Variants in ELF2 observed in about 807,000 individuals in gnomAD.
ELF2 encodes E74 like ETS transcription factor 2, also known as ETS-related transcription factor Elf-2.
A neutral mutation model predicts 54.8 loss-of-function variants in ELF2; 11 were observed. The ratio of observed to expected loss-of-function variants is 0.20; its 90% CI spans 0.13 to 0.33. The LOEUF is 0.33. Among genes scored for constraint, ELF2 ranks in the 10% least tolerant of loss-of-function variants. The pLI is 1.00. For synonymous variants in ELF2, 203 were observed against 245.1 expected (o/e 0.83, Z 1.61); for missense variants, 513 against 703.0 (o/e 0.73, Z 3.06).
At chr4:139,132,418 C>T (rs1180389545) in intron 3 of ELF2, among the ~76,000 whole-genome samples, 1 of 152,130 alleles carries the variant, frequency 6.6e-6, no homozygotes, top group African/African-American at 2.4e-5. Flanking sequence ...TCATACCTAA[C>T]TTTACCCGTC....
rs1331998245 is a variant in ELF2, at chr4:139,125,114, C to G, written c.238+50G>C. The G allele has an allele frequency of 1.9e-6, 3 of 1,569,938 alleles. No individual in the cohort carries two copies. In the African/African-American group the frequency reaches 4.1e-5, roughly 22 times the overall value. On this transcript the variant is annotated intron_variant, in intron 4 of 9. Transcript: ENST00000686138. Reference sequence around the variant, plus strand: ...TCATCTGGCAATAGTATTGTTGAAGCTTACAAAATGAGAAAGTTATAAATA... The same window carrying G: ...TCATCTGGCAATAGTATTGTTGAAGGTTACAAAATGAGAAAGTTATAAATA...
At chr4:139,061,225 A>G (rs1727806064) in intron 8 of ELF2, among the ~76,000 whole-genome samples, 1 of 147,308 alleles carries the variant, frequency 6.8e-6, no homozygotes, top group African/African-American at 2.5e-5. Flanking sequence ...CCCAGGCTGC[A>G]GTGCAATGGC....
chr4:139,161,194 A>G (rs1741106007), intron 1 of ELF2, among the ~76,000 whole-genome samples: 3 of 152,242 alleles, frequency 2.0e-5, no homozygotes, highest in Non-Finnish European at 2.9e-5. Context: ...TAAAATATAT[A>G]GGAATCAACC....
chr4:139,173,390 T>G (rs1039197099), intron 1 of ELF2, among the ~76,000 whole-genome samples: 5 of 152,044 alleles, frequency 3.3e-5, no homozygotes, highest in African/African-American at 1.2e-4. Context: ...AATAGAAACT[T>G]AAATGTCCAT....
chr4:139,132,634 C>T (rs1737611537), intron 3 of ELF2, among the ~76,000 whole-genome samples: 1 of 151,966 alleles, frequency 6.6e-6, no homozygotes, highest in African/African-American at 2.4e-5. Context: ...CCCTTCATTG[C>T]TGAAAATTCT....
intron 3 of ELF2, among the ~76,000 whole-genome samples, chr4:139,125,971 T>C (rs1392354681): frequency 6.6e-6 from 1 of 152,242 alleles, no homozygotes; most frequent in Admixed American, 6.5e-5. Context: ...AATAGCATCT[T>C]TGAGGCATAA....
chr4:139,158,594 A>T (rs148367372), intron 1 of ELF2, among the ~76,000 whole-genome samples: 115 of 152,236 alleles, frequency 7.6e-4, no homozygotes, highest in African/African-American at 2.6e-3. Flanking sequence ...TGTTAAAGGG[A>T]ACATTTGTCA....
chr4:139,173,092 A>G (rs1742489410), intron 1 of ELF2, among the ~76,000 whole-genome samples: 1 of 152,020 alleles, frequency 6.6e-6, no homozygotes, highest in Non-Finnish European at 1.5e-5. Context: ...TTAAGACAAA[A>G]CCAATCAGTG....
At chr4:139,068,050 A>T (rs1190791739) in intron 6 of ELF2, among the ~76,000 whole-genome samples, 1 of 151,402 alleles carries the variant, frequency 6.6e-6, no homozygotes, top group Non-Finnish European at 1.5e-5. Context: ...TTTTTGAGAC[A>T]GAGTCTTGCT....
At chr4:139,069,593 C>T (rs1459723660) in intron 6 of ELF2, among the ~76,000 whole-genome samples, 1 of 152,098 alleles carries the variant, frequency 6.6e-6, no homozygotes, top group Non-Finnish European at 1.5e-5. Flanking sequence ...AAATTTCCTC[C>T]ATAGGAAAAT....
intron 1 of ELF2, among the ~76,000 whole-genome samples, chr4:139,162,432 G>A (rs998393227): frequency 1.3e-5 from 2 of 151,744 alleles, no homozygotes; most frequent in African/African-American, 4.8e-5. Flanking sequence ...TCCGGAGGTT[G>A]AGGAAGGAGA....
intron 7 of ELF2, 121 bp from the exon 8 acceptor site, chr4:139,062,178 T>TC (rs1243595647): frequency 9.1e-7 from 1 of 1,095,566 alleles, no homozygotes; most frequent in Non-Finnish European, 1.3e-6. Flanking sequence ...TTTCTACTTT[T>TC]TTTTTTTTTG....
chr4:139,098,717 C>T (rs1733555920), intron 4 of ELF2, among the ~76,000 whole-genome samples: 1 of 152,174 alleles, frequency 6.6e-6, no homozygotes, highest in South Asian at 2.1e-4. Context: ...ATCCACCCGC[C>T]TCGGCCTCCC....
chr4:139,068,942 G>A (rs1380308401), intron 6 of ELF2, among the ~76,000 whole-genome samples: 3 of 151,478 alleles, frequency 2.0e-5, no homozygotes, highest in East Asian at 1.9e-4. Flanking sequence ...GCAGTGACGC[G>A]AACACAGCTC....
chr4:139,093,311 C>CA (rs1479373352), intron 4 of ELF2, among the ~76,000 whole-genome samples: 2 of 152,146 alleles, frequency 1.3e-5, no homozygotes, highest in Non-Finnish European at 2.9e-5. Context: ...CTTCCCTCCA[C>CA]AAAAAACAAA....
intron 4 of ELF2, among the ~76,000 whole-genome samples, chr4:139,094,522 T>C (rs987530518): frequency 1.3e-5 from 2 of 152,134 alleles, no homozygotes; most frequent in Admixed American, 6.6e-5. Context: ...CTGCAGCAGT[T>C]TGAGCAACAA....
intron 4 of ELF2, among the ~76,000 whole-genome samples, chr4:139,105,129 G>A (rs189265451): frequency 7.9e-5 from 12 of 152,050 alleles, no homozygotes; most frequent in Admixed American, 4.6e-4. Context: ...AAAGGGAGAG[G>A]AAAAAAACTA....
intron 4 of ELF2, chr4:139,084,378 C>G (rs2148736496): frequency 6.8e-7 from 1 of 1,460,752 alleles, no homozygotes. Flanking sequence ...CGGCCCGCCT[C>G]CCGCCGCCGG....
chr4:139,088,284 TAAA>T (rs10713739), intron 4 of ELF2, among the ~76,000 whole-genome samples: 14 of 112,250 alleles, frequency 1.2e-4, no homozygotes, highest in Admixed American at 1.9e-4. Context: ...AGACTCTGTC[TAAA>T]AAAAAAAAAA....
Sources: gnomAD v4.1 joint callset for allele counts (sites outside exome capture counted in the v4.1 genomes callset) on GRCh38, gnomAD v4.1.1 for gene constraint, MANE v1.5 for transcripts, NCBI Gene and HGNC (gene_info 2026-07-23, HGNC 2026-07-21) for gene names.